The following RNF220 variants were observed in gnomAD, a reference collection of about 807,000 sequenced individuals.
RNF220 encodes the protein ring finger protein 220.
A neutral mutation model predicts 67.1 loss-of-function variants in RNF220; 7 were observed. The observed-to-expected ratio is 0.10, with a 90% CI of 0.06 to 0.20. The LOEUF (loss-of-function observed/expected upper bound fraction) is 0.20. Among genes scored for constraint, RNF220 ranks in the 10% least tolerant of loss-of-function variants. RNF220 has a pLI of 1.00. For missense variants in RNF220, 565 were observed against 740.3 expected, an observed-to-expected ratio of 0.76 and a Z score of 2.75; for synonymous variants, 270 against 283.2, an observed-to-expected ratio of 0.95 and a Z score of 0.47.
chr1:44,516,040 C>A (rs992790962), intron 2 of RNF220, among the ~76,000 whole-genome samples: 1 of 152,168 alleles, frequency 6.6e-6, no homozygotes, highest in Middle Eastern at 3.2e-3. Context: ...AGCTGCTACA[C>A]CATCTCCTTC....
At chr1:44,553,841 G>A (rs984496715) in intron 2 of RNF220, among the ~76,000 whole-genome samples, 1 of 152,164 alleles carries the variant, frequency 6.6e-6, no homozygotes. Context: ...AGCTAGCAAC[G>A]ACAGGGGAGC....
intron 2 of RNF220, among the ~76,000 whole-genome samples, chr1:44,592,491 G>T (rs530361788): frequency 6.6e-6 from 1 of 152,314 alleles, no homozygotes; most frequent in South Asian, 2.1e-4. Flanking sequence ...CCTGGGGAAG[G>T]GCCAGGCCTT....
chr1:44,632,452 C>A, intron 6 of RNF220, 67 bp downstream of exon 6: 1 of 1,444,012 alleles, frequency 6.9e-7, no homozygotes, highest in Non-Finnish European at 9.4e-7. Flanking sequence ...TCACTGCCTG[C>A]CGCTCCTGGC....
intron 2 of RNF220, among the ~76,000 whole-genome samples, chr1:44,445,336 G>A (rs776070529): frequency 5.9e-5 from 9 of 151,934 alleles, no homozygotes; most frequent in African/African-American, 1.2e-4. Flanking sequence ...TGATTCCATC[G>A]TCTTCATAGC....
intron 2 of RNF220, among the ~76,000 whole-genome samples, chr1:44,491,652 G>A (rs917853264): frequency 6.6e-6 from 1 of 151,864 alleles, no homozygotes; most frequent in Non-Finnish European, 1.5e-5. Context: ...ACAAGACAAG[G>A]ATGTCCACTC....
intron 2 of RNF220, among the ~76,000 whole-genome samples, chr1:44,550,919 A>G (rs1301773408): frequency 6.6e-6 from 1 of 151,984 alleles, no homozygotes; most frequent in African/African-American, 2.4e-5. Flanking sequence ...GTCACATGAC[A>G]CACTTGAACC....
At chr1:44,617,286 A>T (rs1193455860) in intron 3 of RNF220, among the ~76,000 whole-genome samples, 1 of 151,902 alleles carries the variant, frequency 6.6e-6, no homozygotes. Flanking sequence ...GCGCGCTGAC[A>T]GTTGGACCGG....
intron 2 of RNF220, among the ~76,000 whole-genome samples, chr1:44,556,637 G>A (rs577626116): frequency 5.5e-4 from 83 of 151,410 alleles, no homozygotes; most frequent in African/African-American, 2.0e-3. Flanking sequence ...TTGGCTCACT[G>A]CAAGCTCCGC....
At chr1:44,630,843 G>A (rs1338413919) in intron 5 of RNF220, among the ~76,000 whole-genome samples, 2 of 152,242 alleles carry the variant, frequency 1.3e-5, no homozygotes, top group African/African-American at 4.8e-5. Flanking sequence ...TGAGAGAAGA[G>A]TCTGGCAAGG....
At chr1:44,447,974 T>C (rs1652273898) in intron 2 of RNF220, among the ~76,000 whole-genome samples, 1 of 152,180 alleles carries the variant, frequency 6.6e-6, no homozygotes, top group Admixed American at 6.5e-5. Context: ...AAACATCTGA[T>C]TTTCCTGACA....
At chr1:44,525,086 C>T (rs562789604) in intron 2 of RNF220, among the ~76,000 whole-genome samples, 1 of 152,212 alleles carries the variant, frequency 6.6e-6, no homozygotes, top group Middle Eastern at 3.4e-3. Context: ...ATGTGAGAAG[C>T]TTTTAAAACA....
chr1:44,643,256 CAG>C (rs978622602), intron 8 of RNF220: 5 of 152,198 alleles, frequency 3.3e-5, no homozygotes, highest in African/African-American at 9.7e-5. Flanking sequence ...GATCAAGACT[CAG>C]TGTTTTTCAG....
chr1:44,650,860 C>G lies in RNF220; in HGVS notation c.*85C>G. ...CAGTGACCGTCTCCCTTTGTACATA[C>G]TTGCACACAGGTTCCCCATGTACAT... On this transcript the variant is annotated 3_prime_UTR_variant, in exon 15 of 15. Coordinates refer to ENST00000361799, the MANE Select transcript of RNF220 (RefSeq NM_018150.4). The surrounding 1 kb of genome is among the most constrained non-coding windows in gnomAD (Gnocchi z 4.3). The G allele has an allele frequency of 1.6e-6, 2 of 1,233,756 alleles. No individual in the cohort carries two copies. Among genetic ancestry groups the G allele is most frequent in the Non-Finnish European group, 2.4e-6 (2 of 844,592 alleles). The allele number at this position is 1,233,756 out of a possible 1,614,324, so 76.4% of individuals were successfully genotyped here. A position where few individuals can be genotyped will look rare whatever the true frequency, so the allele number is the denominator to read the frequency against.
intron 5 of RNF220, chr1:44,632,025 C>G (rs1644149745): frequency 9.5e-7 from 1 of 1,054,934 alleles, no homozygotes. Context: ...CGCCGGGCAG[C>G]CACGGGGAAT....
intron 2 of RNF220, among the ~76,000 whole-genome samples, chr1:44,611,100 G>A (rs74762682): frequency 0.061 from 9,254 of 152,234 alleles, 392 homozygotes; most frequent in South Asian, 0.13. Context: ...AAATTATAGA[G>A]AACACAGCGG....
At position 44,412,712 on chromosome 1, in the gene RNF220, G is replaced by C. The variant is rs769493310; in HGVS notation, c.615G>C (p.Arg205=). 1 of 1,613,820 alleles carries C rather than the reference G, an allele frequency of 6.2e-7. No individual in the cohort carries two copies. Among genetic ancestry groups the C allele is most frequent in the South Asian group, 1.1e-5 (1 of 91,032 alleles). The change falls in exon 2 of 15, where the codon CGG becomes CGC. Residue 205 remains arginine, a synonymous_variant. Coordinates refer to ENST00000361799, the MANE Select transcript of RNF220 (RefSeq NM_018150.4). This position sits in a 1 kb window ranked among gnomAD's most constrained non-coding sequence, Gnocchi z 5.3. The part of the protein sequence containing the change: ...DREASSSPED[R]NDRCKKKAAA... ...AAGCCTCATCTAGCCCAGAGGATCGGAATGACAGATGTAAGTACTTTGGTT... is the reference window on the plus strand; with the variant it reads ...AAGCCTCATCTAGCCCAGAGGATCGCAATGACAGATGTAAGTACTTTGGTT...
intron 2 of RNF220, among the ~76,000 whole-genome samples, chr1:44,524,239 C>T (rs2148166604): frequency 6.6e-6 from 1 of 152,180 alleles, no homozygotes; most frequent in East Asian, 1.9e-4. Flanking sequence ...GCCCTCTCTC[C>T]TGCGAACTGC....
intron 2 of RNF220, among the ~76,000 whole-genome samples, chr1:44,514,054 G>T (rs1173180293): frequency 6.6e-6 from 1 of 152,238 alleles, no homozygotes; most frequent in Non-Finnish European, 1.5e-5. Flanking sequence ...TAGTCGTGTA[G>T]CATCTTGTAT....
intron 2 of RNF220, among the ~76,000 whole-genome samples, chr1:44,591,792 A>G (rs1572976722): frequency 6.6e-6 from 1 of 151,880 alleles, no homozygotes; most frequent in East Asian, 1.9e-4. Flanking sequence ...CTCCAGCCAT[A>G]CTAGTCCTGC....
Sources: gnomAD v4.1 joint callset for allele counts (sites outside exome capture counted in the v4.1 genomes callset) on GRCh38, gnomAD v4.1.1 for gene constraint, Gnocchi (gnomAD v3.1) non-coding constraint, MANE v1.5 for transcripts, NCBI Gene and HGNC (gene_info 2026-07-23, HGNC 2026-07-21) for gene names.